OPHN1: variants seen among roughly 807,000 people sequenced by gnomAD.
OPHN1 encodes oligophrenin-1.
OPHN1 carries 11 observed loss-of-function variants against 60.7 expected under a neutral mutation model. The ratio of observed to expected loss-of-function variants is 0.18; its 90% confidence interval spans 0.11 to 0.30. The LOEUF (loss-of-function observed/expected upper bound fraction) is 0.30, where lower values mean the gene tolerates loss of function less well. Ranked by LOEUF, OPHN1 falls within the 10% of genes least tolerant of loss-of-function variation. The pLI, the probability that OPHN1 is intolerant of heterozygous loss-of-function variation, is 1.00. For missense variants in OPHN1, 449 were observed against 611.0 expected (o/e 0.73, Z 2.80); for synonymous variants, 226 against 222.6 (o/e 1.02, Z -0.14).
chrX:68,308,171 C>T (rs1429242274), intron 2 of OPHN1, among the ~76,000 whole-genome samples: 1 of 112,375 alleles, frequency 8.9e-6, no homozygotes, highest in Non-Finnish European at 1.9e-5. Flanking sequence ...CAAAAAAATG[C>T]TACTACTTAC....
chrX:68,433,017 C>G lies in OPHN1; in HGVS notation c.4G>C (p.Gly2Arg), dbSNP rs1200813419. 1.7e-6 allele frequency: 2 copies of G among 1,203,347 alleles called. No individual in the cohort carries two copies. Among genetic ancestry groups the G allele is most frequent in the South Asian group, 3.6e-5 (2 of 55,570 alleles). The change falls in exon 2 of 25, where the codon GGT (glycine) becomes CGT (arginine). Residue 2 changes from glycine (G) to arginine (R), a missense_variant. Physicochemically the swap from Gly to Arg is moderately radical, Grantham distance 125 (BLOSUM62 -2). Around this residue, in one of 4 missense-constraint regions of OPHN1, gnomAD observed 99 missense variants for 155.2 expected, o/e 0.64. Transcript: ENST00000355520. ...TCGCTGAACTCCAGCGGGGGATGAC[C>G]CATGGTTCTGATGGCCGGGAGTAGG... is the stretch of plus-strand genomic sequence containing the variant. M[G>R]HPPLEFSDCY... is the part of the protein sequence containing the mutation.
intron 15 of OPHN1, among the ~76,000 whole-genome samples, chrX:68,143,663 A>G (rs778627977): frequency 7.2e-5 from 8 of 111,424 alleles, no homozygotes; most frequent in African/African-American, 2.6e-4. Context: ...ACTAGCCCCC[A>G]ATAAACCTGT....
chrX:68,192,812 T>C, intron 15 of OPHN1, 107 bp downstream of exon 15: 3 of 670,118 alleles, frequency 4.5e-6, no homozygotes, highest in Non-Finnish European at 4.8e-6. Flanking sequence ...AAATACTTTT[T>C]TCAACTATTC....
intron 20 of OPHN1, among the ~76,000 whole-genome samples, chrX:68,072,252 A>C (rs1262906464): frequency 8.9e-6 from 1 of 112,306 alleles, no homozygotes; most frequent in Non-Finnish European, 1.9e-5. Context: ...TTGATATGAC[A>C]AAAGAGGCAA....
At chrX:68,422,671 A>G (rs1223229696) in intron 2 of OPHN1, among the ~76,000 whole-genome samples, 2 of 99,536 alleles carry the variant, frequency 2.0e-5, no homozygotes, top group Non-Finnish European at 4.1e-5. Context: ...AGAAGAAGAA[A>G]GGGAAAGGGA....
chrX:68,072,377 A>G (rs1242776197), intron 20 of OPHN1, among the ~76,000 whole-genome samples: 1 of 112,236 alleles, frequency 8.9e-6, no homozygotes, highest in Admixed American at 9.5e-5. Context: ...CAGGACTAAG[A>G]AAAAAGCTCT....
intron 15 of OPHN1, among the ~76,000 whole-genome samples, chrX:68,132,704 A>G (rs1287851481): frequency 9.5e-6 from 1 of 104,719 alleles, no homozygotes; most frequent in African/African-American, 3.5e-5. Flanking sequence ...TATAATTAAA[A>G]AAAAATAATA....
At chrX:68,245,209 T>C (rs1249791802) in intron 5 of OPHN1, among the ~76,000 whole-genome samples, 2 of 111,263 alleles carry the variant, frequency 1.8e-5, no homozygotes, top group African/African-American at 6.5e-5. Flanking sequence ...ACAGTACTAG[T>C]AGACTTAACT....
At chrX:68,070,562 G>T (rs748619849) in intron 20 of OPHN1, 1 of 647,492 alleles carries the variant, frequency 1.5e-6, no homozygotes, top group African/African-American at 2.1e-5. Context: ...GGACTTTACT[G>T]TCCAGGAGCT....
intron 6 of OPHN1, among the ~76,000 whole-genome samples, chrX:68,223,088 A>T (rs1242933113): frequency 8.9e-6 from 1 of 111,937 alleles, no homozygotes; most frequent in African/African-American, 3.2e-5. Context: ...CACTTTGGGT[A>T]GGAATGTAAA....
At chrX:68,217,264 G>T (rs181078850) in intron 6 of OPHN1, among the ~76,000 whole-genome samples, 1 of 112,254 alleles carries the variant, frequency 8.9e-6, no homozygotes, top group African/African-American at 3.2e-5. Context: ...CCCGCACCTG[G>T]CTCGGAGGAT....
chrX:68,216,168 G>A (rs2077607633), intron 6 of OPHN1, among the ~76,000 whole-genome samples: 1 of 110,836 alleles, frequency 9.0e-6, no homozygotes, highest in Non-Finnish European at 1.9e-5. Context: ...TTTGAAAAGT[G>A]GACATAAACT....
chrX:68,258,826 C>T (rs767937699), intron 5 of OPHN1, among the ~76,000 whole-genome samples: 1 of 111,664 alleles, frequency 9.0e-6, no homozygotes, highest in South Asian at 3.8e-4. Context: ...CCAGTGACTG[C>T]TTCCTTCTCT....
At chrX:68,141,356 A>G (rs2077242146) in intron 15 of OPHN1, among the ~76,000 whole-genome samples, 1 of 111,854 alleles carries the variant, frequency 8.9e-6, no homozygotes, top group South Asian at 3.8e-4. Flanking sequence ...TCATTTTTAT[A>G]ATACTAAGGA....
intron 15 of OPHN1, among the ~76,000 whole-genome samples, chrX:68,140,060 T>C (rs748984496): frequency 7.1e-5 from 8 of 112,026 alleles, no homozygotes; most frequent in Non-Finnish European, 1.5e-4. Context: ...CATAATTCAT[T>C]GAAAAGTTTG....
intron 15 of OPHN1, among the ~76,000 whole-genome samples, chrX:68,141,416 C>T (rs906043402): frequency 9.0e-6 from 1 of 111,451 alleles, no homozygotes; most frequent in Non-Finnish European, 1.9e-5. Flanking sequence ...TAAGATGAAT[C>T]CCAATTTAAG....
rs763834562 is a variant in OPHN1, at chrX:68,091,252, C to T, written c.1686+5618G>A. Among the ~76,000 whole-genome samples the T allele has an allele frequency of 4.5e-5, 5 of 111,693 alleles. No individual in the cohort carries two copies. The South Asian group carries it at 1.5e-3, about 34-fold the overall frequency. On this transcript the variant is annotated intron_variant, in intron 19 of 24. Coordinates refer to ENST00000355520, the MANE Select transcript of OPHN1 (RefSeq NM_002547.3). Reference sequence around the variant, plus strand: ...CGAGCTGGAAATACGCTGTCCCACACTGATTCCATGTTCACTGAATACAAA... The same window carrying T: ...CGAGCTGGAAATACGCTGTCCCACATTGATTCCATGTTCACTGAATACAAA...
At chrX:68,303,407 G>A (rs888215068) in intron 2 of OPHN1, among the ~76,000 whole-genome samples, 1 of 111,409 alleles carries the variant, frequency 9.0e-6, no homozygotes, top group Non-Finnish European at 1.9e-5. Context: ...AGCACTTTGG[G>A]AGGCCAAGAC....
chrX:68,173,611 TG>T (rs2077400739), intron 15 of OPHN1, among the ~76,000 whole-genome samples: 2 of 110,664 alleles, frequency 1.8e-5, no homozygotes, highest in Admixed American at 9.7e-5. Flanking sequence ...TGGAACCTGT[TG>T]GGGAATAAAG....
Sources: allele counts gnomAD v4.1 joint callset (sites outside exome capture counted in the v4.1 genomes callset), GRCh38; gene constraint gnomAD v4.1.1; regional missense constraint gnomAD v4.1.1; transcripts MANE v1.5; gene names NCBI Gene and HGNC (gene_info 2026-07-23, HGNC 2026-07-21).